The following PALLD variants were observed in gnomAD, a reference collection of about 807,000 sequenced individuals.
PALLD encodes palladin, cytoskeletal associated protein.
PALLD carries 61 observed loss-of-function variants against 123.5 expected under a neutral mutation model. The ratio of observed to expected loss-of-function variants is 0.49; its 90% CI spans 0.40 to 0.61. PALLD has a LOEUF of 0.61. Among genes scored for constraint, PALLD ranks in the 20% least tolerant of loss-of-function variants. PALLD has a pLI of 0.00. For synonymous variants in PALLD, 465 were observed against 496.4 expected (o/e 0.94, Z 0.84); for missense variants, 1,273 against 1,377.0 (o/e 0.92, Z 1.20).
chr4:168,861,968 A>G (rs1211611546), intron 10 of PALLD, among the ~76,000 whole-genome samples: 17 of 151,948 alleles, frequency 1.1e-4, no homozygotes, highest in African/African-American at 4.1e-4. Context: ...TTGAAGACTG[A>G]TATTAGTTAA....
intron 10 of PALLD, among the ~76,000 whole-genome samples, chr4:168,757,330 G>A (rs1732029021): frequency 6.6e-6 from 1 of 152,196 alleles, no homozygotes; most frequent in South Asian, 2.1e-4. Context: ...ATCCTAGGGT[G>A]AGTGCCTGAA....
chr4:168,884,813 G>C (rs1248728364), intron 10 of PALLD, among the ~76,000 whole-genome samples: 1 of 152,110 alleles, frequency 6.6e-6, no homozygotes, highest in East Asian at 1.9e-4. Context: ...TCTTGTCTCT[G>C]TGACTTACTT....
At chr4:168,653,943 G>A (rs547954490) in intron 2 of PALLD, among the ~76,000 whole-genome samples, 91 of 151,622 alleles carry the variant, frequency 6.0e-4, no homozygotes, top group East Asian at 1.6e-3. Context: ...CTCATGATCC[G>A]CCCACCTCGA....
At chr4:168,652,691 A>G (rs571494407) in intron 2 of PALLD, among the ~76,000 whole-genome samples, 1 of 152,322 alleles carries the variant, frequency 6.6e-6, no homozygotes, top group Non-Finnish European at 1.5e-5. Context: ...TGAGATGTTG[A>G]TTCAGGTTTT....
intron 2 of PALLD, among the ~76,000 whole-genome samples, chr4:168,599,437 C>G (rs1333873059): frequency 6.6e-6 from 1 of 152,156 alleles, no homozygotes; most frequent in African/African-American, 2.4e-5. Context: ...ACTTCCACTT[C>G]TACTAATTCA....
chr4:168,811,842 G>A (rs1741208792), intron 10 of PALLD, among the ~76,000 whole-genome samples: 1 of 150,370 alleles, frequency 6.7e-6, no homozygotes, highest in South Asian at 2.1e-4. Context: ...GGAAATTTTG[G>A]ATATTATGGT....
Position 168,869,843 on chromosome 4 carries a change from G to C in PALLD, c.1965-21079G>C, listed in dbSNP as rs1750843559. Among the ~76,000 whole-genome samples, 1 of 152,160 alleles carries C rather than the reference G, an allele frequency of 6.6e-6. No homozygotes were observed. The highest frequency in any genetic ancestry group is 2.4e-5 in the African/African-American group (1 of 41,436). On this transcript the variant is annotated intron_variant, in intron 10 of 21. Coordinates refer to ENST00000505667, the MANE Select transcript of PALLD (RefSeq NM_001166108.2). This position sits in a 1 kb window ranked among gnomAD's most constrained non-coding sequence, Gnocchi z 4.5. ...GGGAGTGAGAGTGATGCAGCTGACT[G>C]ACTCCTTGTGCAAAGAGGAGTGTAA...
chr4:168,911,504 C>G (rs756099685), intron 15 of PALLD, among the ~76,000 whole-genome samples: 3 of 152,178 alleles, frequency 2.0e-5, no homozygotes, highest in Non-Finnish European at 4.4e-5. Context: ...AATACACACA[C>G]TTCCTTGTCC....
chr4:168,902,903 C>G (rs1756849581), intron 14 of PALLD, among the ~76,000 whole-genome samples: 2 of 152,072 alleles, frequency 1.3e-5, no homozygotes, highest in Admixed American at 1.3e-4. Flanking sequence ...TTCCAAATAG[C>G]TAGGGCTATA....
At chr4:168,691,547 A>T (rs1011102778) in intron 8 of PALLD, among the ~76,000 whole-genome samples, 1 of 152,212 alleles carries the variant, frequency 6.6e-6, no homozygotes, top group Non-Finnish European at 1.5e-5. Flanking sequence ...CAGTGACTTC[A>T]TGCTTTTTAA....
At chr4:168,503,398 C>T (rs1373125755) in intron 1 of PALLD, among the ~76,000 whole-genome samples, 2 of 152,072 alleles carry the variant, frequency 1.3e-5, no homozygotes, top group Non-Finnish European at 2.9e-5. Flanking sequence ...GCCTGTAATC[C>T]CAGCACTTTG....
At chr4:168,819,447 A>T (rs1742414946) in intron 10 of PALLD, among the ~76,000 whole-genome samples, 1 of 151,844 alleles carries the variant, frequency 6.6e-6, no homozygotes. Context: ...CATCAGCAGC[A>T]CCCCAGTTTA....
intron 2 of PALLD, among the ~76,000 whole-genome samples, chr4:168,624,277 T>C (rs1775030339): frequency 6.6e-6 from 1 of 152,104 alleles, no homozygotes; most frequent in African/African-American, 2.4e-5. Context: ...GAATAATTCA[T>C]GGCCAAGAAA....
chr4:168,558,588 T>C (rs908002142), intron 2 of PALLD, among the ~76,000 whole-genome samples: 1 of 152,206 alleles, frequency 6.6e-6, no homozygotes, highest in Non-Finnish European at 1.5e-5. Flanking sequence ...ATATCCTTGA[T>C]GCGCTGAAGG....
rs1561490672 is a variant in PALLD at position 168,759,205 on chromosome 4, ATATATATATATATATATATAT to A, written c.1964+47283_1964+47303del. ...AAAAAAAAAAAAAAAAAAAAAAAAT[ATATATATATATATATATATAT>A]ATATATATATATATATATAGAAACA... On this transcript the variant is annotated intron_variant, in intron 10 of 21. Coordinates refer to ENST00000505667, the MANE Select transcript of PALLD (RefSeq NM_001166108.2). 5.3e-3 allele frequency among the ~76,000 whole-genome samples: 242 copies of A among 45,242 alleles called. 38 individuals are homozygous for A. Among genetic ancestry groups the A allele is most frequent in the African/African-American group, 0.019 (135 of 7,294 alleles). 29.7% of individuals were successfully genotyped at this position (45,242 alleles called of 152,430 possible).
chr4:168,864,080 T>C (rs1230725822), intron 10 of PALLD: 1 of 152,236 alleles, frequency 6.6e-6, no homozygotes, highest in Non-Finnish European at 1.5e-5. Context: ...CTTGAAAATA[T>C]ACATGATTGC....
chr4:168,880,485 A>C (rs1191106004), intron 10 of PALLD, among the ~76,000 whole-genome samples: 3 of 152,210 alleles, frequency 2.0e-5, no homozygotes, highest in Non-Finnish European at 2.9e-5. Context: ...CCTGTTGCTA[A>C]ATCACGCATA....
chr4:168,788,242 T>C (rs1202836916), intron 10 of PALLD, among the ~76,000 whole-genome samples: 2 of 1,420 alleles, frequency 1.4e-3, no homozygotes, highest in African/African-American at 0.012. Flanking sequence ...GAACTGGATC[T>C]TTCCTTAGAA....
intron 2 of PALLD, among the ~76,000 whole-genome samples, chr4:168,523,956 A>G (rs922039525): frequency 6.6e-6 from 1 of 152,204 alleles, no homozygotes; most frequent in African/African-American, 2.4e-5. Flanking sequence ...TAATACTAAT[A>G]GATATAATAA....
Sources: allele counts gnomAD v4.1 joint callset (sites outside exome capture counted in the v4.1 genomes callset), GRCh38; gene constraint gnomAD v4.1.1; non-coding constraint Gnocchi (gnomAD v3.1); transcripts MANE v1.5; gene names NCBI Gene and HGNC (gene_info 2026-07-23, HGNC 2026-07-21).